NTM: variants seen among roughly 807,000 people sequenced by gnomAD.
NTM encodes the protein neurotrimin.
Under a neutral mutation model 42.1 loss-of-function variants are expected in NTM, and 13 were observed. The observed-to-expected ratio is 0.31, with a 90% CI of 0.20 to 0.49. The LOEUF (loss-of-function observed/expected upper bound fraction) is 0.49. Among genes scored for constraint, NTM ranks in the 20% least tolerant of loss-of-function variants. The pLI, the probability that NTM is intolerant of heterozygous loss-of-function variation, is 0.99. For synonymous variants in NTM, 187 were observed against 179.2 expected, an observed-to-expected ratio of 1.04 and a Z score of -0.35; for missense variants, 373 against 452.8, an observed-to-expected ratio of 0.82 and a Z score of 1.60.
chr11:132,212,912 G>A (rs1377249175), intron 4 of NTM, among the ~76,000 whole-genome samples: 2 of 151,888 alleles, frequency 1.3e-5, no homozygotes, highest in Non-Finnish European at 2.9e-5. Context: ...AGCCAAAGCG[G>A]TGAAGTTTTC....
At chr11:132,302,138 G>A (rs1452782108) in intron 4 of NTM, among the ~76,000 whole-genome samples, 1 of 152,148 alleles carries the variant, frequency 6.6e-6, no homozygotes, top group African/African-American at 2.4e-5. Context: ...TGGGGATTTG[G>A]GGGCAGGTGT....
intron 1 of NTM, among the ~76,000 whole-genome samples, chr11:131,440,033 T>A (rs1199743766): frequency 2.0e-5 from 3 of 151,962 alleles, no homozygotes; most frequent in African/African-American, 7.2e-5. Flanking sequence ...ATTTATTTTT[T>A]AATTTTCTCC....
chr11:132,282,085 T>C (rs2093992142), intron 4 of NTM, among the ~76,000 whole-genome samples: 1 of 152,160 alleles, frequency 6.6e-6, no homozygotes, highest in African/African-American at 2.4e-5. Context: ...AAATAATGCT[T>C]CCTGTTTTTA....
chr11:131,961,863 C>A, intron 2 of NTM, among the ~76,000 whole-genome samples: 1 of 152,002 alleles, frequency 6.6e-6, no homozygotes, highest in Admixed American at 6.6e-5. Context: ...CAGTGGTAGT[C>A]CCTGCATTCG....
chr11:132,203,587 C>A (rs1340951670), intron 3 of NTM, among the ~76,000 whole-genome samples: 4 of 152,124 alleles, frequency 2.6e-5, no homozygotes, highest in Non-Finnish European at 5.9e-5. Context: ...ATTTTTCTAA[C>A]CCATATTATT....
intron 1 of NTM, among the ~76,000 whole-genome samples, chr11:131,853,319 C>T (rs1041988009): frequency 4.6e-5 from 7 of 152,070 alleles, no homozygotes; most frequent in African/African-American, 1.7e-4. Context: ...TGGTGGTTTG[C>T]TGTGCAGATC....
At chr11:132,095,085 G>T (rs1274976437) in intron 2 of NTM, among the ~76,000 whole-genome samples, 1 of 152,198 alleles carries the variant, frequency 6.6e-6, no homozygotes, top group Non-Finnish European at 1.5e-5. Flanking sequence ...AACTGGAGTT[G>T]CCGGCCTGCT....
chr11:132,047,586 G>A (rs555782520), intron 2 of NTM, among the ~76,000 whole-genome samples: 10 of 152,338 alleles, frequency 6.6e-5, no homozygotes, highest in Non-Finnish European at 1.2e-4. Flanking sequence ...AGGCAGGGGA[G>A]TCAGCTAGAG....
intron 1 of NTM, among the ~76,000 whole-genome samples, chr11:131,578,309 T>TGCC (rs2058104700): frequency 6.6e-6 from 1 of 152,240 alleles, no homozygotes; most frequent in Non-Finnish European, 1.5e-5. Flanking sequence ...TATAGGTTTA[T>TGCC]GTCATATCTG....
At chr11:132,016,439 G>A (rs1418136741) in intron 2 of NTM, among the ~76,000 whole-genome samples, 1 of 150,876 alleles carries the variant, frequency 6.6e-6, no homozygotes, top group East Asian at 1.9e-4. Flanking sequence ...CATGCAATAT[G>A]TTGTTTTTTG....
At chr11:131,705,678 C>T (rs2076523625) in intron 1 of NTM, among the ~76,000 whole-genome samples, 2 of 151,854 alleles carry the variant, frequency 1.3e-5, no homozygotes. Flanking sequence ...ATAAAAAAGA[C>T]ATAAATTGTC....
intron 2 of NTM, among the ~76,000 whole-genome samples, chr11:132,086,544 G>A (rs971552541): frequency 6.6e-6 from 1 of 152,154 alleles, no homozygotes; most frequent in Admixed American, 6.5e-5. Context: ...GCCACACCAT[G>A]TGTCCAATGT....
chr11:131,417,023 A>G (rs1239837744), intron 1 of NTM, among the ~76,000 whole-genome samples: 1 of 152,190 alleles, frequency 6.6e-6, no homozygotes, highest in Non-Finnish European at 1.5e-5. Context: ...CATTTGTACA[A>G]TGAGGATATT....
intron 4 of NTM, among the ~76,000 whole-genome samples, chr11:132,300,855 A>G (rs902580276): frequency 6.6e-6 from 1 of 152,026 alleles, no homozygotes; most frequent in African/African-American, 2.4e-5. Flanking sequence ...ACCCCCTTTG[A>G]CAGTCTCTCA....
chr11:132,207,881 T>C (rs1228712769), intron 3 of NTM, among the ~76,000 whole-genome samples: 1 of 152,228 alleles, frequency 6.6e-6, no homozygotes, highest in Non-Finnish European at 1.5e-5. Flanking sequence ...CCATAACACG[T>C]GATTCACCAT....
Position 132,069,848 on chromosome 11 carries a change from G to A in NTM, c.168-76434G>A, listed in dbSNP as rs533320831. On this transcript the variant is annotated intron_variant, in intron 2 of 8. Coordinates refer to ENST00000683400, the MANE Select transcript of NTM (RefSeq NM_001352005.2). Reference sequence around the variant, plus strand: ...CTGACCATCACAGGTTAGCTAACACGTCACACAGCCAAGTTAACACGTCAC... The same window carrying A: ...CTGACCATCACAGGTTAGCTAACACATCACACAGCCAAGTTAACACGTCAC... Among the ~76,000 whole-genome samples the A allele has an allele frequency of 3.3e-3, 494 of 148,036 alleles. 26 individuals carry two copies. The highest frequency in any genetic ancestry group is 0.012 in the African/African-American group (464 of 39,362).
At chr11:131,468,268 G>A (rs2136158801) in intron 1 of NTM, among the ~76,000 whole-genome samples, 1 of 152,360 alleles carries the variant, frequency 6.6e-6, no homozygotes, top group Non-Finnish European at 1.5e-5. Context: ...CCCATGCTGT[G>A]TAATGGGTTG....
intron 2 of NTM, among the ~76,000 whole-genome samples, chr11:131,915,729 A>T (rs764597195): frequency 5.9e-5 from 9 of 152,162 alleles, no homozygotes; most frequent in African/African-American, 1.2e-4. Context: ...AGAAGGCAAA[A>T]GGCACATTTT....
chr11:132,075,510 C>A (rs1430691409), intron 2 of NTM, among the ~76,000 whole-genome samples: 1 of 151,944 alleles, frequency 6.6e-6, no homozygotes, highest in Non-Finnish European at 1.5e-5. Flanking sequence ...AACATTTTGT[C>A]TTTTATTGGT....
Sources: gnomAD v4.1 joint callset for allele counts (sites outside exome capture counted in the v4.1 genomes callset) on GRCh38, gnomAD v4.1.1 for gene constraint, MANE v1.5 for transcripts, NCBI Gene and HGNC (gene_info 2026-07-23, HGNC 2026-07-21) for gene names.